ERBB4: variants seen among roughly 807,000 people sequenced by gnomAD.
ERBB4 encodes the protein erb-b2 receptor tyrosine kinase 4, also known as receptor tyrosine-protein kinase erbB-4.
Under a neutral mutation model 158.0 loss-of-function variants are expected in ERBB4, and 42 were observed. That is an observed-to-expected ratio of 0.27 (90% CI 0.21 to 0.34). The LOEUF (loss-of-function observed/expected upper bound fraction) is 0.34, where lower values mean the gene tolerates loss of function less well. ERBB4 is among the 10% of genes least tolerant of loss of function. The pLI, the probability that ERBB4 is intolerant of heterozygous loss-of-function variation, is 1.00. For synonymous variants in ERBB4, 583 were observed against 558.7 expected, an observed-to-expected ratio of 1.04 and a Z score of -0.61; for missense variants, 1,333 against 1,624.1, an observed-to-expected ratio of 0.82 and a Z score of 3.08.
intron 16 of ERBB4, among the ~76,000 whole-genome samples, chr2:211,646,295 T>C (rs947468391): frequency 1.3e-5 from 2 of 151,334 alleles, no homozygotes; most frequent in Non-Finnish European, 3.0e-5. Flanking sequence ...AAATATATTT[T>C]AAAAAAGAAT....
In ERBB4 at chr2:212,253,083, TC is replaced by T. The variant is rs200248960; in HGVS notation, c.83-128181del. Among the ~76,000 whole-genome samples the T allele has an allele frequency of 1.7e-3, 260 of 152,240 alleles. 4 individuals carry two copies. The East Asian group carries it at 0.046, about 27-fold the overall frequency. On this transcript the variant is annotated intron_variant, in intron 1 of 27. Coordinates refer to ENST00000342788, the MANE Select transcript of ERBB4 (RefSeq NM_005235.3). Reference sequence around the variant, plus strand: ...ATTACATGCTTCATTAGCTTACTTTTCTTAGAATCAAATGTCTGTAGATTTA... The same window carrying T: ...ATTACATGCTTCATTAGCTTACTTTTTTAGAATCAAATGTCTGTAGATTTA...
At chr2:212,226,588 T>G (rs2083478509) in intron 1 of ERBB4, among the ~76,000 whole-genome samples, 1 of 152,192 alleles carries the variant, frequency 6.6e-6, no homozygotes. Context: ...GAACAATCAC[T>G]GATAAACTTG....
chr2:212,081,375 G>T (rs1042976112), intron 2 of ERBB4, among the ~76,000 whole-genome samples: 10 of 152,058 alleles, frequency 6.6e-5, no homozygotes, highest in Admixed American at 2.0e-4. Context: ...GTATAAACCT[G>T]TCAAGACATT....
intron 16 of ERBB4, among the ~76,000 whole-genome samples, chr2:211,649,594 G>GT (rs1349440325): frequency 1.6e-4 from 25 of 151,766 alleles, no homozygotes; most frequent in Middle Eastern, 3.4e-3. Context: ...AAAACATGGT[G>GT]TTTTTCCCTC....
At chr2:211,861,127 TATATA>T (rs2078028501) in intron 3 of ERBB4, among the ~76,000 whole-genome samples, 1 of 21,752 alleles carries the variant, frequency 4.6e-5, no homozygotes, top group Non-Finnish European at 8.7e-5. Context: ...ATATATTTTA[TATATA>T]TATATATATA....
chr2:211,789,137 C>T (rs1436765856), intron 3 of ERBB4, among the ~76,000 whole-genome samples: 2 of 152,122 alleles, frequency 1.3e-5, no homozygotes, highest in African/African-American at 2.4e-5. Context: ...GCTACAAATA[C>T]ACATAGCACC....
intron 2 of ERBB4, among the ~76,000 whole-genome samples, chr2:212,098,561 T>C (rs1370841511): frequency 6.6e-6 from 1 of 152,132 alleles, no homozygotes; most frequent in Non-Finnish European, 1.5e-5. Context: ...AACAGGCAAT[T>C]GGAAATGGCT....
At chr2:212,169,201 T>G (rs2081436466) in intron 1 of ERBB4, among the ~76,000 whole-genome samples, 1 of 152,098 alleles carries the variant, frequency 6.6e-6, no homozygotes, top group Non-Finnish European at 1.5e-5. Flanking sequence ...TATGAGTACG[T>G]AAAGAAATAT....
intron 1 of ERBB4, among the ~76,000 whole-genome samples, chr2:212,147,686 T>C (rs1419517975): frequency 1.3e-5 from 2 of 152,214 alleles, no homozygotes; most frequent in South Asian, 2.1e-4. Flanking sequence ...AAATCTACTT[T>C]AGGGTATAAG....
intron 2 of ERBB4, among the ~76,000 whole-genome samples, chr2:212,079,524 C>A (rs2078372373): frequency 6.6e-6 from 1 of 151,864 alleles, no homozygotes. Context: ...TATAACTACT[C>A]CCATAACCTT....
chr2:212,497,115 T>A (rs1488845869), intron 1 of ERBB4, among the ~76,000 whole-genome samples: 2 of 148,062 alleles, frequency 1.4e-5, no homozygotes, highest in African/African-American at 4.9e-5. Flanking sequence ...GAGGCGGAGG[T>A]TGCAGTGAGC....
chr2:212,199,111 C>T (rs770847492), intron 1 of ERBB4, among the ~76,000 whole-genome samples: 6 of 152,196 alleles, frequency 3.9e-5, no homozygotes, highest in South Asian at 4.1e-4. Context: ...TTTAAATCCC[C>T]ACTCACAATG....
rs2091064525 is a variant in ERBB4 at position 212,397,498 on chromosome 2, AGGAAGGAAGGAAGGGG to A, written c.82+140935_82+140950del. Among the ~76,000 whole-genome samples, 4 of 137,806 alleles carry A rather than the reference AGGAAGGAAGGAAGGGG, an allele frequency of 2.9e-5. No individual in the cohort carries two copies. The South Asian group carries it at 1.1e-3, about 36-fold the overall frequency. 90.4% of individuals were successfully genotyped at this position (137,806 alleles called of 152,430 possible). ...AGACAGAAAAGAAAGAAAAAAAGGA[AGGAAGGAAGGAAGGGG>A]GGAAGGGGGGAAGGGAGGGAGGGAG... On this transcript the variant is annotated intron_variant, in intron 1 of 27. Transcript: ENST00000342788.
chr2:212,222,051 T>C (rs930139701), intron 1 of ERBB4, among the ~76,000 whole-genome samples: 1 of 151,616 alleles, frequency 6.6e-6, no homozygotes, highest in African/African-American at 2.4e-5. Context: ...TAAACAATTA[T>C]AATAGTAGCT....
intron 1 of ERBB4, among the ~76,000 whole-genome samples, chr2:212,427,903 A>G (rs1574900716): frequency 1.3e-5 from 2 of 152,266 alleles, no homozygotes; most frequent in South Asian, 4.1e-4. Context: ...AAGAAGAGGG[A>G]TTGAGGGCAA....
At chr2:211,877,834 G>A (rs1253960454) in intron 3 of ERBB4, among the ~76,000 whole-genome samples, 4 of 152,264 alleles carry the variant, frequency 2.6e-5, no homozygotes, top group Middle Eastern at 3.4e-3. Context: ...CAGGCCAGGC[G>A]AGGTGGTTCA....
At chr2:212,397,892 T>C (rs1452042108) in intron 1 of ERBB4, among the ~76,000 whole-genome samples, 3 of 152,104 alleles carry the variant, frequency 2.0e-5, no homozygotes, top group African/African-American at 4.8e-5. Flanking sequence ...ATCTATAGTG[T>C]TGTTTTAAAA....
At chr2:211,845,591 G>T (rs753726225) in intron 3 of ERBB4, among the ~76,000 whole-genome samples, 1 of 152,092 alleles carries the variant, frequency 6.6e-6, no homozygotes, top group East Asian at 1.9e-4. Flanking sequence ...TGTGGACCAT[G>T]ATTACAAATT....
chr2:211,958,097 G>T (rs1475793307), intron 2 of ERBB4, among the ~76,000 whole-genome samples: 2 of 152,140 alleles, frequency 1.3e-5, no homozygotes, highest in Admixed American at 1.3e-4. Flanking sequence ...GCCTGGATTT[G>T]ACAAGCCTGC....
Sources: allele counts gnomAD v4.1 joint callset (sites outside exome capture counted in the v4.1 genomes callset), GRCh38; gene constraint gnomAD v4.1.1; transcripts MANE v1.5; gene names NCBI Gene and HGNC (gene_info 2026-07-23, HGNC 2026-07-21).